The following SOX5 variants were observed in gnomAD, a reference collection of about 807,000 sequenced individuals.
SOX5 encodes the protein transcription factor SOX-5.
SOX5 carries 9 observed loss-of-function variants against 92.0 expected under a neutral mutation model. The observed-to-expected ratio is 0.10, with a 90% confidence interval of 0.06 to 0.17. The LOEUF is 0.17. SOX5 is among the 10% of genes least tolerant of loss of function. The pLI, the probability that SOX5 is intolerant of heterozygous loss-of-function variation, is 1.00. For synonymous variants in SOX5, 344 were observed against 336.3 expected, an observed-to-expected ratio of 1.02 and a Z score of -0.25; for missense variants, 642 against 944.5, an observed-to-expected ratio of 0.68 and a Z score of 4.20.
At chr12:24,202,702 T>C (rs1480597953) in intron 4 of SOX5, among the ~76,000 whole-genome samples, 4 of 152,210 alleles carry the variant, frequency 2.6e-5, no homozygotes, top group Non-Finnish European at 5.9e-5. Context: ...CCCTTTTGGG[T>C]TGTCTGATAT....
intron 10 of SOX5, among the ~76,000 whole-genome samples, chr12:23,570,370 T>C (rs1486131981): frequency 6.6e-6 from 1 of 152,194 alleles, no homozygotes; most frequent in Non-Finnish European, 1.5e-5. Context: ...TTGAATGATA[T>C]CTACAACTTC....
chr12:23,998,109 A>G (rs1195386271), intron 4 of SOX5, among the ~76,000 whole-genome samples: 1 of 152,124 alleles, frequency 6.6e-6, no homozygotes, highest in Non-Finnish European at 1.5e-5. Context: ...TTTATGAGGG[A>G]CCCCAGGTGT....
At chr12:24,307,865 A>G (rs147586118) in intron 2 of SOX5, among the ~76,000 whole-genome samples, 137 of 152,248 alleles carry the variant, frequency 9.0e-4, no homozygotes, top group Admixed American at 3.3e-3. Flanking sequence ...TTACTGTTAT[A>G]GTAGGTAGCT....
intron 1 of SOX5, among the ~76,000 whole-genome samples, chr12:24,471,782 A>G (rs1944847968): frequency 6.6e-6 from 1 of 152,224 alleles, no homozygotes; most frequent in African/African-American, 2.4e-5. Context: ...TGTAGCTTTC[A>G]CACATCAGTT....
At chr12:24,523,510 G>A (rs1038374841) in intron 1 of SOX5, among the ~76,000 whole-genome samples, 16 of 152,194 alleles carry the variant, frequency 1.1e-4, no homozygotes, top group African/African-American at 2.7e-4. Flanking sequence ...CTATGGCAAT[G>A]AGAACAGTAT....
intron 1 of SOX5, among the ~76,000 whole-genome samples, chr12:24,435,358 C>CA (rs761313370): frequency 2.0e-5 from 3 of 152,212 alleles, no homozygotes; most frequent in Non-Finnish European, 2.9e-5. Context: ...CTTCCTAGTA[C>CA]ATGAGCCAAT....
intron 11 of SOX5, among the ~76,000 whole-genome samples, chr12:23,547,894 CTT>C (rs1397428684): frequency 6.6e-6 from 1 of 151,992 alleles, no homozygotes. Context: ...TTTTGGATGT[CTT>C]TTGCTGAGAG....
intron 4 of SOX5, among the ~76,000 whole-genome samples, chr12:24,011,931 A>G (rs1188333233): frequency 6.6e-6 from 1 of 152,194 alleles, no homozygotes; most frequent in East Asian, 1.9e-4. Flanking sequence ...GTGTAGAAAA[A>G]AAAGAAAAGG....
intron 3 of SOX5, among the ~76,000 whole-genome samples, chr12:23,757,108 T>C (rs1271025080): frequency 6.6e-6 from 1 of 151,946 alleles, no homozygotes; most frequent in Non-Finnish European, 1.5e-5. Flanking sequence ...GAATGATTAC[T>C]CTTTTACATA....
At chr12:23,734,435 C>T (rs2093510839) in intron 6 of SOX5, among the ~76,000 whole-genome samples, 1 of 152,102 alleles carries the variant, frequency 6.6e-6, no homozygotes, top group Admixed American at 6.6e-5. Flanking sequence ...CCTTTGTCTA[C>T]AATAATTTCT....
chr12:24,094,245 C>T (rs1325505406), intron 4 of SOX5, among the ~76,000 whole-genome samples: 3 of 152,128 alleles, frequency 2.0e-5, no homozygotes, highest in South Asian at 2.1e-4. Flanking sequence ...CCACACCCAG[C>T]GAAATTGTAT....
At chr12:23,597,691 A>T (rs1952700752) in intron 9 of SOX5, among the ~76,000 whole-genome samples, 1 of 152,236 alleles carries the variant, frequency 6.6e-6, no homozygotes, top group Admixed American at 6.5e-5. Flanking sequence ...GATTCTTCTT[A>T]GATGAATTCA....
intron 4 of SOX5, among the ~76,000 whole-genome samples, chr12:24,186,975 T>C (rs1956078972): frequency 6.6e-6 from 1 of 151,864 alleles, no homozygotes. Flanking sequence ...GTCAATGAAA[T>C]TCTGGTTTGT....
intron 4 of SOX5, among the ~76,000 whole-genome samples, chr12:24,039,688 G>A (rs1956346056): frequency 6.6e-6 from 1 of 151,978 alleles, no homozygotes; most frequent in Non-Finnish European, 1.5e-5. Flanking sequence ...TAAAAATTTT[G>A]TCCATATCCT....
At chr12:23,534,785 C>T (rs1483254878) in intron 14 of SOX5, among the ~76,000 whole-genome samples, 7 of 148,300 alleles carry the variant, frequency 4.7e-5, no homozygotes, top group African/African-American at 1.7e-4. Context: ...TCTTGCCTCA[C>T]TGCAACCTCC....
intron 1 of SOX5, among the ~76,000 whole-genome samples, chr12:23,911,119 A>C (rs984165943): frequency 2.0e-5 from 3 of 152,062 alleles, no homozygotes; most frequent in Admixed American, 1.3e-4. Context: ...GAAATACAGA[A>C]GAAAAACAAA....
intron 4 of SOX5, among the ~76,000 whole-genome samples, chr12:24,194,011 T>G (rs960562000): frequency 6.6e-6 from 1 of 152,188 alleles, no homozygotes; most frequent in Admixed American, 6.6e-5. Flanking sequence ...GATGGCCTCA[T>G]GTGGCTCTAC....
At chr12:24,066,985 G>C (rs1364231015) in intron 4 of SOX5, among the ~76,000 whole-genome samples, 1 of 152,148 alleles carries the variant, frequency 6.6e-6, no homozygotes, top group African/African-American at 2.4e-5. Context: ...CATCACTCTG[G>C]TTTTCCTTTC....
intron 3 of SOX5, among the ~76,000 whole-genome samples, chr12:23,829,117 T>C (rs985970171): frequency 6.8e-6 from 1 of 147,384 alleles, no homozygotes; most frequent in Non-Finnish European, 1.5e-5. Flanking sequence ...AACTCCTATT[T>C]AAAAAAAAAA....
Sources: allele counts gnomAD v4.1 joint callset (sites outside exome capture counted in the v4.1 genomes callset), GRCh38; gene constraint gnomAD v4.1.1; transcripts MANE v1.5; gene names NCBI Gene and HGNC (gene_info 2026-07-23, HGNC 2026-07-21).